Variants in KCNAB1 observed in about 807,000 individuals in gnomAD.
KCNAB1 encodes the protein voltage-gated potassium channel subunit beta-1.
Under a neutral mutation model 64.6 loss-of-function variants are expected in KCNAB1, and 35 were observed. That is an observed-to-expected ratio of 0.54 (90% confidence interval 0.41 to 0.72). The LOEUF is 0.72. Ranked by LOEUF, KCNAB1 falls within the 30% of genes least tolerant of loss-of-function variation. The pLI is 0.00. For missense variants in KCNAB1, 401 were observed against 512.9 expected (o/e 0.78, Z 2.11); for synonymous variants, 177 against 183.8 (o/e 0.96, Z 0.30).
At chr3:156,444,605 G>C (rs1717264355) in intron 2 of KCNAB1, among the ~76,000 whole-genome samples, 1 of 152,210 alleles carries the variant, frequency 6.6e-6, no homozygotes, top group Admixed American at 6.5e-5. Context: ...TCACCAGCAA[G>C]AGGGTATCTT....
chr3:156,194,644 C>T (rs1018434715), intron 1 of KCNAB1, among the ~76,000 whole-genome samples: 6 of 152,048 alleles, frequency 3.9e-5, no homozygotes, highest in Admixed American at 1.3e-4. Context: ...TTCAGCCATT[C>T]CATTATTTTT....
intron 1 of KCNAB1, among the ~76,000 whole-genome samples, chr3:156,338,273 A>G (rs557092259): frequency 2.1e-5 from 2 of 95,480 alleles, no homozygotes; most frequent in East Asian, 6.5e-4. Context: ...TTGGGGAGTC[A>G]CTCATCTTAT....
At chr3:156,286,305 C>T (rs1331347654) in intron 1 of KCNAB1, among the ~76,000 whole-genome samples, 1 of 152,220 alleles carries the variant, frequency 6.6e-6, no homozygotes, top group Non-Finnish European at 1.5e-5. Flanking sequence ...GAATAGCAAA[C>T]TTGCATCCTA....
At chr3:156,467,932 A>G (rs1267285637) in intron 7 of KCNAB1, among the ~76,000 whole-genome samples, 2 of 151,900 alleles carry the variant, frequency 1.3e-5, no homozygotes, top group Non-Finnish European at 2.9e-5. Context: ...TCTTTTAACA[A>G]TTTTGTTCTT....
intron 1 of KCNAB1, among the ~76,000 whole-genome samples, chr3:156,294,646 A>G (rs1485921548): frequency 2.0e-5 from 3 of 152,246 alleles, no homozygotes; most frequent in Non-Finnish European, 2.9e-5. Context: ...ATAATGCCAT[A>G]GAATAGGGAA....
intron 1 of KCNAB1, among the ~76,000 whole-genome samples, chr3:156,339,581 T>C (rs1226212212): frequency 6.6e-6 from 1 of 152,226 alleles, no homozygotes; most frequent in Non-Finnish European, 1.5e-5. Flanking sequence ...CTCACAACTT[T>C]GCCTACTTCA....
intron 1 of KCNAB1, among the ~76,000 whole-genome samples, chr3:156,328,389 C>T (rs556255872): frequency 6.6e-6 from 1 of 152,118 alleles, no homozygotes; most frequent in South Asian, 2.1e-4. Flanking sequence ...ATGAGATAAA[C>T]ACCTCTTACG....
chr3:156,207,948 A>G (rs1196010733), intron 1 of KCNAB1, among the ~76,000 whole-genome samples: 1 of 152,234 alleles, frequency 6.6e-6, no homozygotes, highest in Non-Finnish European at 1.5e-5. Context: ...CAAACAACTC[A>G]GCTTCTTTTG....
At chr3:156,465,127 T>C (rs1201342180) in intron 6 of KCNAB1, among the ~76,000 whole-genome samples, 2 of 152,174 alleles carry the variant, frequency 1.3e-5, no homozygotes, top group African/African-American at 4.8e-5. Context: ...TGATTAAGGG[T>C]CTGTCTTCTG....
chr3:156,420,193 G>A (rs1034107349), intron 1 of KCNAB1, among the ~76,000 whole-genome samples: 4 of 152,174 alleles, frequency 2.6e-5, no homozygotes, highest in Non-Finnish European at 5.9e-5. Context: ...TAACACTTTA[G>A]CACACATTCT....
Position 156,514,443 on chromosome 3 carries a change from G to C in KCNAB1, c.738G>C (p.Glu246Asp). 6.2e-7 allele frequency: 1 copy of C among 1,610,734 alleles called. No homozygotes were observed. Among genetic ancestry groups the C allele is most frequent in the Non-Finnish European group, 8.5e-7 (1 of 1,177,166 alleles). ...YWGTSRWSAM[E>D]IMEAYSVARQ... ...GCACCTCGAGATGGAGTGCTATGGA[G>C]ATCATGGTAATTTAACTTCTATTTT... The change falls in exon 9 of 14, where the codon GAG (glutamate) becomes GAC (aspartate). Residue 246 changes from glutamate (E) to aspartate (D), a missense_variant. By Grantham distance (45) the Glu-to-Asp change is conservative. Transcript: ENST00000490337.
At chr3:156,282,365 TGAG>T (rs1312641925) in intron 1 of KCNAB1, among the ~76,000 whole-genome samples, 1 of 142,008 alleles carries the variant, frequency 7.0e-6, no homozygotes, top group Non-Finnish European at 1.5e-5. Flanking sequence ...TTACATTTGC[TGAG>T]GAGAGCTTTA....
chr3:156,500,718 G>T (rs1016614604), intron 8 of KCNAB1, among the ~76,000 whole-genome samples: 2 of 152,112 alleles, frequency 1.3e-5, no homozygotes, highest in African/African-American at 4.8e-5. Flanking sequence ...AACCTACAGA[G>T]TAGGTTAATT....
intron 1 of KCNAB1, among the ~76,000 whole-genome samples, chr3:156,372,063 C>T (rs758952567): frequency 6.6e-6 from 1 of 152,154 alleles, no homozygotes; most frequent in Non-Finnish European, 1.5e-5. Context: ...CTTGCAGCGT[C>T]TCTGGTTTAG....
At chr3:156,148,872 G>A (rs577130806) in intron 1 of KCNAB1, among the ~76,000 whole-genome samples, 4 of 130,040 alleles carry the variant, frequency 3.1e-5, no homozygotes, top group Non-Finnish European at 6.6e-5. Context: ...TTTTTTTTTT[G>A]CTGTTGCTAT....
chr3:156,172,935 G>A (rs1445056979), intron 1 of KCNAB1, among the ~76,000 whole-genome samples: 1 of 152,204 alleles, frequency 6.6e-6, no homozygotes, highest in African/African-American at 2.4e-5. Flanking sequence ...GGATGTAAAG[G>A]TCCTTCTGTC....
intron 8 of KCNAB1, among the ~76,000 whole-genome samples, chr3:156,497,765 C>T (rs931563154): frequency 1.8e-4 from 27 of 152,156 alleles, no homozygotes; most frequent in Non-Finnish European, 3.2e-4. Context: ...TATTTTTTAG[C>T]AACTCAATGA....
chr3:156,303,175 G>C (rs1333146703), intron 1 of KCNAB1, among the ~76,000 whole-genome samples: 2 of 152,184 alleles, frequency 1.3e-5, no homozygotes, highest in Non-Finnish European at 2.9e-5. Context: ...GTGTTCCCCA[G>C]TTCTTTCCAA....
At chr3:156,485,817 T>A (rs889689312) in intron 8 of KCNAB1, among the ~76,000 whole-genome samples, 5 of 152,090 alleles carry the variant, frequency 3.3e-5, no homozygotes, top group Non-Finnish European at 7.4e-5. Flanking sequence ...CCTTGTTTAG[T>A]TCCCCCTTAC....
Sources: allele counts gnomAD v4.1 joint callset (sites outside exome capture counted in the v4.1 genomes callset), GRCh38; gene constraint gnomAD v4.1.1; transcripts MANE v1.5; gene names NCBI Gene and HGNC (gene_info 2026-07-23, HGNC 2026-07-21).